Variants in UVSSA observed in about 807,000 individuals in gnomAD.
UVSSA encodes UV stimulated scaffold protein A.
UVSSA carries 72 observed loss-of-function variants against 73.9 expected under a neutral mutation model. The observed-to-expected ratio is 0.97, with a 90% CI of 0.81 to 1.19. The LOEUF (loss-of-function observed/expected upper bound fraction) is 1.19, where lower values mean the gene tolerates loss of function less well. UVSSA is among the 50% of genes most tolerant of loss of function. The pLI is 0.00. For missense variants in UVSSA, 1,150 were observed against 965.0 expected (o/e 1.19, Z -2.54); for synonymous variants, 454 against 391.3 (o/e 1.16, Z -1.89).
chr4:1,358,057 TGTCCCTCCGTGGCGC>T, intron 7 of UVSSA: 1 of 152,386 alleles, frequency 6.6e-6, no homozygotes, highest in Non-Finnish European at 1.5e-5. Context: ...CCGCCAGCAC[TGTCCCTCCGTGGCGC>T]GTGACCCCAG....
chr4:1,350,381 C>G (rs1714516016), intron 3 of UVSSA, among the ~76,000 whole-genome samples: 1 of 152,162 alleles, frequency 6.6e-6, no homozygotes, highest in South Asian at 2.1e-4. Flanking sequence ...TCAGTCCTCC[C>G]CAGTGCAATG....
At chr4:1,351,087 A>T (rs989977724) in intron 3 of UVSSA, among the ~76,000 whole-genome samples, 2 of 151,436 alleles carry the variant, frequency 1.3e-5, no homozygotes, top group African/African-American at 4.9e-5. Flanking sequence ...TGTTTTTAAG[A>T]TGGAGTATTG....
At chr4:1,383,365 C>T (rs963087773) in intron 12 of UVSSA, among the ~76,000 whole-genome samples, 3 of 152,216 alleles carry the variant, frequency 2.0e-5, no homozygotes, top group Admixed American at 6.5e-5. Context: ...GTCCAGCCTG[C>T]AGGCAGGAAA....
exon 14 of UVSSA, chr4:1,393,261 A>G (rs1205539936): frequency 6.6e-6 from 1 of 152,126 alleles, no homozygotes; most frequent in Non-Finnish European, 1.5e-5. Context: ...TTCTACTCCA[A>G]ACTTCCATTT....
chr4:1,365,767 G>T lies in UVSSA; in HGVS notation c.1177-553G>T, dbSNP rs574360027. Reference sequence around the variant, plus strand: ...AGCCCTGGCCCGTTGCCTAAGAGCAGACGCACCTGCTCCACCTGGTGGGAA... The same window carrying T: ...AGCCCTGGCCCGTTGCCTAAGAGCATACGCACCTGCTCCACCTGGTGGGAA... On this transcript the variant is annotated intron_variant, in intron 7 of 13. Transcript: ENST00000389851. 3.3e-5 allele frequency among the ~76,000 whole-genome samples: 5 copies of T among 152,304 alleles called. No individual in the cohort carries two copies. The East Asian group carries it at 9.6e-4, about 29-fold the overall frequency.
At chr4:1,376,835 C>T (rs890253650) in intron 10 of UVSSA, among the ~76,000 whole-genome samples, 2 of 152,170 alleles carry the variant, frequency 1.3e-5, no homozygotes, top group Non-Finnish European at 2.9e-5. Flanking sequence ...GGACGGTTCT[C>T]CACACCCGGG....
At position 1,347,644 on chromosome 4, in the gene UVSSA, A is replaced by C. The variant is rs1040863898; in HGVS notation, c.-119A>C. ...GGTGCTCGGCCCTGGGTATCCGGGC[A>C]GGCTGCCTCCGTTAGGGCCGCCCCT... On this transcript the variant is annotated 5_prime_UTR_variant, in exon 1 of 14. Coordinates refer to ENST00000389851, the MANE Select transcript of UVSSA (RefSeq NM_020894.4). 1.3e-5 allele frequency: 2 copies of C among 158,288 alleles called. No individual in the cohort carries two copies. The highest frequency in any genetic ancestry group is 1.3e-4 in the Admixed American group (2 of 15,774). The allele number at this position is 158,288 out of a possible 1,614,324, so 9.8% of individuals were successfully genotyped here. A position where few individuals can be genotyped will look rare whatever the true frequency, so the allele number is the denominator to read the frequency against.
At chr4:1,369,814 T>C (rs11247998) in intron 8 of UVSSA, among the ~76,000 whole-genome samples, 54,804 of 152,268 alleles carry the variant, frequency 0.36, 10,352 homozygotes, top group Non-Finnish European at 0.42. Flanking sequence ...GATTTGGACA[T>C]TTTTATGATT....
At chr4:1,394,493 A>G (rs191364045) in exon 14 of UVSSA, 4 of 1,613,612 alleles carry the variant, frequency 2.5e-6, no homozygotes, top group Admixed American at 3.3e-5. Context: ...ATAGCTGTCC[A>G]GGTGTCCCTG....
chr4:1,345,644 CAAAAAAAAAAAAAAAAA>C (rs71168831), upstream of UVSSA, among the ~76,000 whole-genome samples: 1 of 55,926 alleles, frequency 1.8e-5, no homozygotes, highest in African/African-American at 8.8e-5. Flanking sequence ...GACTTTGTCT[CAAAAAAAAAAAAAAAAA>C]AAAAAAAAAA....
intron 5 of UVSSA, among the ~76,000 whole-genome samples, chr4:1,354,338 G>C (rs1026976817): frequency 6.6e-6 from 1 of 152,264 alleles, no homozygotes; most frequent in East Asian, 1.9e-4. Flanking sequence ...GAGAGGCCGG[G>C]GGGGTGGGGG....
chr4:1,342,929 C>T (rs1260981322), upstream of UVSSA, among the ~76,000 whole-genome samples: 1 of 151,878 alleles, frequency 6.6e-6, no homozygotes, highest in African/African-American at 2.4e-5. Context: ...GATGAGTCCT[C>T]CAGTTCTGCT....
At chr4:1,375,871 G>A (rs1718699793) in intron 9 of UVSSA, among the ~76,000 whole-genome samples, 163 bp from the exon 10 acceptor site, 1 of 152,260 alleles carries the variant, frequency 6.6e-6, no homozygotes, top group Admixed American at 6.5e-5. Context: ...CTTCTCACAG[G>A]ACCTCAGCGG....
rs370472006 is a variant in UVSSA at position 1,371,941 on chromosome 4, C to T, written c.1289-3423C>T. On this transcript the variant is annotated intron_variant, in intron 8 of 13. Coordinates refer to ENST00000389851, the MANE Select transcript of UVSSA (RefSeq NM_020894.4). ...CTAACAGCCACTTCCCAAGAGGGTT[C>T]GCCGAAGTCCCCACAGTCAGGGATA... Among the ~76,000 whole-genome samples the T allele has an allele frequency of 2.1e-3, 321 of 152,328 alleles. 2 individuals are homozygous for T. Among genetic ancestry groups the T allele is most frequent in the African/African-American group, 7.3e-3 (304 of 41,566 alleles).
At chr4:1,358,721 A>G (rs1560444363) in intron 7 of UVSSA, among the ~76,000 whole-genome samples, 1 of 152,240 alleles carries the variant, frequency 6.6e-6, no homozygotes, top group Non-Finnish European at 1.5e-5. Context: ...TTAATTAGAA[A>G]TTATGGACGA....
chr4:1,384,589 G>C (rs531066522), intron 13 of UVSSA: 18 of 152,462 alleles, frequency 1.2e-4, no homozygotes, highest in African/African-American at 4.3e-4. Flanking sequence ...ATATTGCCTT[G>C]TTCTCGCCTA....
chr4:1,353,406 C>G lies in UVSSA; in HGVS notation c.927C>G (p.Leu309=), dbSNP rs763564095. ...ACAAGTACACGCTGGATGTGGAGCTCTGCTCAGGTAACTGCCTTCGCGGGG... is the reference window on the plus strand; with the variant it reads ...ACAAGTACACGCTGGATGTGGAGCTGTGCTCAGGTAACTGCCTTCGCGGGG... ...GSHKYTLDVE[L]CSEGLKVQEN... Residue 309 remains leucine, a synonymous_variant, in exon 5 of 14, where the codon CTC becomes CTG. Coordinates refer to ENST00000389851, the MANE Select transcript of UVSSA (RefSeq NM_020894.4). 1.1e-5 allele frequency: 17 copies of G among 1,553,906 alleles called. No individual in the cohort carries two copies. The South Asian group carries it at 1.6e-4, about 14-fold the overall frequency.
intron 4 of UVSSA, among the ~76,000 whole-genome samples, chr4:1,352,400 C>T (rs892407414): frequency 1.3e-5 from 2 of 152,246 alleles, no homozygotes; most frequent in South Asian, 2.1e-4. Flanking sequence ...ACTGGAAACG[C>T]AGGCCTCAGG....
chr4:1,367,185 G>A (rs767626619), intron 8 of UVSSA, among the ~76,000 whole-genome samples: 9 of 152,178 alleles, frequency 5.9e-5, no homozygotes, highest in Non-Finnish European at 8.8e-5. Context: ...AGCCTGTGCC[G>A]TGGAGGGCTT....
Sources: allele counts gnomAD v4.1 joint callset (sites outside exome capture counted in the v4.1 genomes callset), GRCh38; gene constraint gnomAD v4.1.1; transcripts MANE v1.5; gene names NCBI Gene and HGNC (gene_info 2026-07-23, HGNC 2026-07-21).